Variants in LAMA2 observed in about 807,000 individuals in gnomAD.
LAMA2 encodes laminin subunit alpha 2.
In LAMA2, 269 loss-of-function variants were observed where a neutral mutation model predicts 364.8. That is an observed-to-expected ratio of 0.74 (90% CI 0.67 to 0.82). LAMA2 has a LOEUF of 0.82. Among genes scored for constraint, LAMA2 ranks in the 40% least tolerant of loss-of-function variants. The pLI is 0.00. For synonymous variants in LAMA2, 1,379 were observed against 1,370.6 expected (o/e 1.01, Z -0.14); for missense variants, 3,807 against 3,873.2 (o/e 0.98, Z 0.45).
At chr6:129,105,638 AC>A (rs1279018949) in intron 4 of LAMA2, among the ~76,000 whole-genome samples, 1 of 152,134 alleles carries the variant, frequency 6.6e-6, no homozygotes, top group East Asian at 1.9e-4. Context: ...ACTACTTCCA[AC>A]TGAAGAAAGA....
chr6:129,233,369 TA>T (rs1363609038), intron 12 of LAMA2, among the ~76,000 whole-genome samples: 1 of 152,194 alleles, frequency 6.6e-6, no homozygotes. Context: ...TTTAGCTCCC[TA>T]AAAACATAAC....
At chr6:129,191,760 T>C (rs1441366403) in intron 11 of LAMA2, among the ~76,000 whole-genome samples, 2 of 152,172 alleles carry the variant, frequency 1.3e-5, no homozygotes, top group African/African-American at 4.8e-5. Flanking sequence ...TTAAAAAATA[T>C]TTCAGCCACA....
At position 129,416,191 on chromosome 6, in the gene LAMA2, C is replaced by T. The variant is rs538779834; in HGVS notation, c.5866-11561C>T. Among the ~76,000 whole-genome samples, 125 of 39,196 alleles carry T rather than the reference C, an allele frequency of 3.2e-3. 41 individuals are homozygous for T. Among genetic ancestry groups the T allele is most frequent in the Non-Finnish European group, 4.8e-3 (102 of 21,116 alleles). The allele number at this position is 39,196 out of a possible 152,430, so 25.7% of individuals were successfully genotyped here. Reference sequence around the variant, plus strand: ...GTCTCGATCTCCTGACCTCGTGATCCGCCCGCCCAAAGTGCTGGGATTACA... The same window carrying T: ...GTCTCGATCTCCTGACCTCGTGATCTGCCCGCCCAAAGTGCTGGGATTACA... On this transcript the variant is annotated intron_variant, in intron 40 of 64. Transcript: ENST00000421865.
At chr6:128,991,240 T>C (rs1783591316) in intron 1 of LAMA2, among the ~76,000 whole-genome samples, 1 of 152,186 alleles carries the variant, frequency 6.6e-6, no homozygotes, top group East Asian at 1.9e-4. Context: ...CTCCTTTTTT[T>C]CCCCCTCCGG....
intron 1 of LAMA2, among the ~76,000 whole-genome samples, chr6:129,022,429 C>A (rs1477548153): frequency 6.6e-6 from 1 of 152,172 alleles, no homozygotes; most frequent in East Asian, 1.9e-4. Flanking sequence ...CCACACTAAC[C>A]ACTCATTTAC....
intron 3 of LAMA2, among the ~76,000 whole-genome samples, chr6:129,060,206 T>C (rs560351451): frequency 1.3e-5 from 2 of 152,294 alleles, no homozygotes; most frequent in Non-Finnish European, 2.9e-5. Context: ...ATAACAAAAA[T>C]ATAATAGTAT....
intron 7 of LAMA2, among the ~76,000 whole-genome samples, chr6:129,151,521 G>A (rs989755105): frequency 6.6e-6 from 1 of 152,056 alleles, no homozygotes; most frequent in African/African-American, 2.4e-5. Context: ...GACCCTGTCT[G>A]TATCACTCCG....
intron 12 of LAMA2, among the ~76,000 whole-genome samples, chr6:129,224,577 G>GCT (rs1305707814): frequency 6.6e-6 from 1 of 152,140 alleles, no homozygotes; most frequent in Non-Finnish European, 1.5e-5. Context: ...TTTTGTCAAA[G>GCT]GCCTTTTCTG....
In LAMA2 at chr6:129,427,785, G is replaced by T. The variant is rs762129616; in HGVS notation, c.5899G>T (p.Ala1967Ser). The T allele has an allele frequency of 1.2e-6, 2 of 1,613,590 alleles. No individual in the cohort carries two copies. The highest frequency in any genetic ancestry group is 1.7e-6 in the Non-Finnish European group (2 of 1,179,794). Reference sequence around the variant, plus strand: ...TCCTCGGGGTTTATTAAAGGAAGATGCCAAAGGCTGTCTTCAGAAAAGCTT... The same window carrying T: ...TCCTCGGGGTTTATTAAAGGAAGATTCCAAAGGCTGTCTTCAGAAAAGCTT... ...TGPRGLLKED[A>S]KGCLQKSFRI... is the part of the protein sequence containing the mutation. Residue 1967 changes from alanine to serine, a missense_variant, in exon 41 of 65, where the codon GCC becomes TCC. Ala to Ser is a moderately conservative substitution (Grantham distance 99). This residue lies in a region of LAMA2 where 3,333 missense variants were observed against 3,345.7 expected (regional missense o/e 1.00). Coordinates refer to ENST00000421865, the MANE Select transcript of LAMA2 (RefSeq NM_000426.4).
rs1294876017 is a variant in LAMA2, at chr6:129,342,536, T to A, written c.4436+69T>A. On this transcript the variant is annotated intron_variant, in intron 30 of 64. Coordinates refer to ENST00000421865, the MANE Select transcript of LAMA2 (RefSeq NM_000426.4). ...ATCTGTCTAGCACATGGGCTGTCTA[T>A]GATTTGGCTATTTTTTCCATGTAGA... 7.4e-6 allele frequency: 11 copies of A among 1,495,624 alleles called. No homozygotes were observed. The African/African-American group carries it at 9.8e-5, about 13-fold the overall frequency. The allele number at this position is 1,495,624 out of a possible 1,614,324, so 92.6% of individuals were successfully genotyped here.
Position 129,210,003 on chromosome 6 carries a change from C to CAAAAAAAAAAAAAAAAA in LAMA2, c.1782+17156_1782+17172dup, listed in dbSNP as rs374127279. Among the ~76,000 whole-genome samples, 100 of 67,624 alleles carry CAAAAAAAAAAAAAAAAA rather than the reference C, an allele frequency of 1.5e-3. 2 individuals carry two copies. Among genetic ancestry groups the CAAAAAAAAAAAAAAAAA allele is most frequent in the Non-Finnish European group, 1.8e-3 (61 of 33,048 alleles). The allele number at this position is 67,624 out of a possible 152,430, so 44.4% of individuals were successfully genotyped here. The stretch of plus-strand genomic sequence containing the variant: ...CGGGCGACAGAGCGAGACTCCATCT[C>CAAAAAAAAAAAAAAAAA]AAAAAAAAAAAAAAAAAAAAAATTT... On this transcript the variant is annotated intron_variant, in intron 12 of 64. Coordinates refer to ENST00000421865, the MANE Select transcript of LAMA2 (RefSeq NM_000426.4).
chr6:129,436,683 A>T (rs542660436), intron 41 of LAMA2, among the ~76,000 whole-genome samples: 2 of 152,102 alleles, frequency 1.3e-5, no homozygotes, highest in East Asian at 3.9e-4. Flanking sequence ...GTCCACTAGC[A>T]CTCTTGTGAA....
chr6:128,883,449 T>C, intron 1 of LAMA2, 92 bp downstream of exon 1: 1 of 1,534,244 alleles, frequency 6.5e-7, no homozygotes, highest in Non-Finnish European at 8.8e-7. Context: ...GTCTGTGGAC[T>C]GCCGTCTTGC....
At position 128,912,227 on chromosome 6, in the gene LAMA2, T is replaced by C. The variant is rs190032129; in HGVS notation, c.112+28870T>C. Among the ~76,000 whole-genome samples, 371 of 152,322 alleles carry C rather than the reference T, an allele frequency of 2.4e-3. 1 individual carries two copies. Among genetic ancestry groups the C allele is most frequent in the African/African-American group, 8.4e-3 (348 of 41,576 alleles). ...TATAATAGACAAATTGTTTTCTAAA[T>C]GAAGGCATGATCTTAGTCTAGTAAT... On this transcript the variant is annotated intron_variant, in intron 1 of 64. Coordinates refer to ENST00000421865, the MANE Select transcript of LAMA2 (RefSeq NM_000426.4).
chr6:129,397,391 C>T (rs553674559), intron 37 of LAMA2, among the ~76,000 whole-genome samples: 3 of 152,202 alleles, frequency 2.0e-5, no homozygotes, highest in South Asian at 2.1e-4. Flanking sequence ...ATATATTATA[C>T]ATTAATTTAC....
chr6:129,023,370 A>G (rs9492200), intron 1 of LAMA2, among the ~76,000 whole-genome samples: 4,051 of 152,126 alleles, frequency 0.027, 167 homozygotes, highest in African/African-American at 0.093. Context: ...CTTCTGTGTA[A>G]TCCTTACATA....
chr6:129,211,994 TAAGAG>T (rs1783129306), intron 12 of LAMA2, among the ~76,000 whole-genome samples: 1 of 152,220 alleles, frequency 6.6e-6, no homozygotes, highest in Admixed American at 6.5e-5. Flanking sequence ...ACACAAAAGA[TAAGAG>T]AAAATACAGG....
chr6:129,221,615 A>C lies in LAMA2; in HGVS notation c.1783-28497A>C, dbSNP rs562187210. Among the ~76,000 whole-genome samples, 5 of 152,306 alleles carry C rather than the reference A, an allele frequency of 3.3e-5. No homozygotes were observed. The East Asian group carries it at 7.7e-4, about 23-fold the overall frequency. ...AATTAAGAATTTAAACTACAGAAAT[A>C]TTGAAAAGTATTTGAATCAACCAGA... On this transcript the variant is annotated intron_variant, in intron 12 of 64. Coordinates refer to ENST00000421865, the MANE Select transcript of LAMA2 (RefSeq NM_000426.4).
intron 8 of LAMA2, among the ~76,000 whole-genome samples, chr6:129,155,484 T>C (rs1457115019): frequency 6.6e-6 from 1 of 152,128 alleles, no homozygotes; most frequent in Admixed American, 6.5e-5. Flanking sequence ...TAAGGGCTTA[T>C]TGACCATTCC....
Sources: gnomAD v4.1 joint callset for allele counts (sites outside exome capture counted in the v4.1 genomes callset) on GRCh38, gnomAD v4.1.1 for gene constraint, gnomAD v4.1.1 regional missense constraint, MANE v1.5 for transcripts, NCBI Gene and HGNC (gene_info 2026-07-23, HGNC 2026-07-21) for gene names.